Variants in MEF2A observed in about 807,000 individuals in gnomAD.
The protein encoded by MEF2A is myocyte enhancer factor 2A.
MEF2A carries 28 observed loss-of-function variants against 55.8 expected under a neutral mutation model. The observed-to-expected ratio is 0.50, with a 90% CI of 0.37 to 0.69. The LOEUF is 0.69. MEF2A is among the 30% of genes least tolerant of loss of function. The pLI is 0.00. For synonymous variants in MEF2A, 239 were observed against 227.1 expected (o/e 1.05, Z -0.47); for missense variants, 528 against 626.2 (o/e 0.84, Z 1.67).
chr15:99,595,913 A>G (rs1165952018), intron 1 of MEF2A, among the ~76,000 whole-genome samples: 1 of 152,222 alleles, frequency 6.6e-6, no homozygotes, highest in Non-Finnish European at 1.5e-5. Context: ...AGATAGGGAT[A>G]GCAATTAGAG....
chr15:99,584,355 T>C (rs537479941), intron 1 of MEF2A, among the ~76,000 whole-genome samples: 1 of 152,178 alleles, frequency 6.6e-6, no homozygotes, highest in South Asian at 2.1e-4. Context: ...AATGAACACA[T>C]AGATTCATGT....
intron 1 of MEF2A, among the ~76,000 whole-genome samples, chr15:99,595,382 C>T (rs200666446): frequency 2.0e-5 from 3 of 151,620 alleles, no homozygotes; most frequent in East Asian, 3.9e-4. Context: ...TTTTTTTTCT[C>T]ATTAAGGACT....
At chr15:99,606,919 G>GCC (rs1975359703) in intron 2 of MEF2A, among the ~76,000 whole-genome samples, 1 of 152,066 alleles carries the variant, frequency 6.6e-6, no homozygotes, top group East Asian at 1.9e-4. Context: ...TCAATATGAT[G>GCC]TTCATCATAG....
intron 2 of MEF2A, among the ~76,000 whole-genome samples, chr15:99,626,001 G>GT (rs1318303289): frequency 2.6e-5 from 4 of 152,068 alleles, no homozygotes; most frequent in African/African-American, 7.2e-5. Context: ...TTCCTCTTCA[G>GT]TTTTTTGGAA....
chr15:99,679,631 G>C (rs554013385), intron 7 of MEF2A, among the ~76,000 whole-genome samples: 71 of 152,130 alleles, frequency 4.7e-4, no homozygotes, highest in Non-Finnish European at 8.4e-4. Context: ...ATATTTTAGG[G>C]GGCCCAATTA....
chr15:99,667,316 G>C (rs1596996307), intron 4 of MEF2A, among the ~76,000 whole-genome samples: 1 of 152,232 alleles, frequency 6.6e-6, no homozygotes, highest in East Asian at 1.9e-4. Context: ...CGCCTCCCGG[G>C]TTTACGCCAT....
In MEF2A at chr15:99,711,144, C is replaced by G. The variant is rs1205020139; in HGVS notation, c.1136+384C>G. On this transcript the variant is annotated intron_variant, in intron 11 of 11. Transcript: ENST00000557942. The stretch of plus-strand genomic sequence containing the variant: ...TCCCAAGCACCTGCCTCTGGCTGCA[C>G]TGCTTGAAAGGCAGCCTGTAGGCAT... 4.6e-5 allele frequency among the ~76,000 whole-genome samples: 7 copies of G among 152,352 alleles called. No homozygotes were observed. The East Asian group carries it at 1.2e-3, about 25-fold the overall frequency.
At chr15:99,577,038 C>T (rs1441141097) in intron 1 of MEF2A, among the ~76,000 whole-genome samples, 3 of 152,278 alleles carry the variant, frequency 2.0e-5, no homozygotes, top group South Asian at 2.1e-4. Flanking sequence ...CTAATGTTGG[C>T]GTTGCTGTTA....
chr15:99,618,508 A>C (rs1055917321), intron 2 of MEF2A, among the ~76,000 whole-genome samples: 2 of 152,208 alleles, frequency 1.3e-5, no homozygotes. Flanking sequence ...CGGCAATGTT[A>C]TATTTATTGA....
chr15:99,629,517 C>T (rs184372350), intron 2 of MEF2A, among the ~76,000 whole-genome samples: 602 of 152,068 alleles, frequency 4.0e-3, no homozygotes, highest in African/African-American at 0.014. Context: ...TAAAAGAAAG[C>T]GGAGAGGAAA....
At chr15:99,668,663 T>A (rs1264576502) in intron 4 of MEF2A, among the ~76,000 whole-genome samples, 1 of 90,008 alleles carries the variant, frequency 1.1e-5, no homozygotes, top group East Asian at 3.5e-4. Context: ...TTTCACACTG[T>A]GTTTTCCTCA....
rs1015991730 is a variant in MEF2A at position 99,713,222 on chromosome 15, A to C, written c.*451A>C. The C allele has an allele frequency of 2.5e-6, 1 of 397,418 alleles. No individual in the cohort carries two copies. Among genetic ancestry groups the C allele is most frequent in the East Asian group, 3.6e-5 (1 of 27,938 alleles). The allele number at this position is 397,418 out of a possible 1,614,324, so 24.6% of individuals were successfully genotyped here. A position where few individuals can be genotyped will look rare whatever the true frequency, so the allele number is the denominator to read the frequency against. On this transcript the variant is annotated 3_prime_UTR_variant, in exon 12 of 12. Coordinates refer to ENST00000557942, the MANE Select transcript of MEF2A (RefSeq NM_001319206.4). ...TTGTAGAACAGAGCAGTAGAAAAGC[A>C]GGAACCAAGAAAGCAATACTGTACA...
At chr15:99,665,578 A>G (rs904063696) in intron 4 of MEF2A, among the ~76,000 whole-genome samples, 1 of 152,158 alleles carries the variant, frequency 6.6e-6, no homozygotes, top group African/African-American at 2.4e-5. Context: ...CAAAATAGAT[A>G]AATAGGATCT....
intron 2 of MEF2A, among the ~76,000 whole-genome samples, chr15:99,611,007 C>T (rs1167646629): frequency 1.3e-5 from 2 of 152,196 alleles, no homozygotes; most frequent in East Asian, 1.9e-4. Context: ...TTCGGGAGGC[C>T]GAGGTGGGTG....
chr15:99,566,573 A>G (rs1959606916), intron 1 of MEF2A: 1 of 152,174 alleles, frequency 6.6e-6, no homozygotes, highest in Non-Finnish European at 1.5e-5. Flanking sequence ...TGAAAGTTGA[A>G]GGAGTTCTCG....
intron 10 of MEF2A, among the ~76,000 whole-genome samples, chr15:99,710,004 G>A (rs1369000507): frequency 1.3e-5 from 2 of 152,164 alleles, no homozygotes; most frequent in South Asian, 2.1e-4. Context: ...AAGACTTGCT[G>A]ATTCAAACTC....
intron 1 of MEF2A, among the ~76,000 whole-genome samples, chr15:99,597,597 G>A (rs1199657439): frequency 6.6e-6 from 1 of 152,026 alleles, no homozygotes; most frequent in East Asian, 1.9e-4. Context: ...TGATGTCTGT[G>A]ACCCACACCT....
chr15:99,689,818 C>T (rs897814728), intron 7 of MEF2A, among the ~76,000 whole-genome samples: 1 of 152,184 alleles, frequency 6.6e-6, no homozygotes, highest in Non-Finnish European at 1.5e-5. Context: ...TCAGCAGGTC[C>T]AAGGAGTAAT....
chr15:99,646,685 A>G (rs1252121915), intron 4 of MEF2A, among the ~76,000 whole-genome samples: 1 of 152,130 alleles, frequency 6.6e-6, no homozygotes, highest in African/African-American at 2.4e-5. Context: ...AAAATTAAAG[A>G]TAATTTAGCT....
Sources: allele counts gnomAD v4.1 joint callset (sites outside exome capture counted in the v4.1 genomes callset), GRCh38; gene constraint gnomAD v4.1.1; transcripts MANE v1.5; gene names NCBI Gene and HGNC (gene_info 2026-07-23, HGNC 2026-07-21).